ARHGAP6: variants seen among roughly 807,000 people sequenced by gnomAD.
ARHGAP6 encodes the protein rho GTPase-activating protein 6.
A neutral mutation model predicts 55.7 loss-of-function variants in ARHGAP6; 16 were observed. The observed-to-expected ratio is 0.29, with a 90% CI of 0.19 to 0.44. The LOEUF (loss-of-function observed/expected upper bound fraction) is 0.44. ARHGAP6 is among the 20% of genes least tolerant of loss of function. The pLI is 1.00. For synonymous variants in ARHGAP6, 382 were observed against 360.9 expected, an observed-to-expected ratio of 1.06 and a Z score of -0.66; for missense variants, 698 against 808.9, an observed-to-expected ratio of 0.86 and a Z score of 1.66.
At chrX:11,409,627 C>T (rs1363340189) in intron 1 of ARHGAP6, among the ~76,000 whole-genome samples, 4 of 112,532 alleles carry the variant, frequency 3.6e-5, no homozygotes, top group Middle Eastern at 9.2e-3. Context: ...GGGCAGACTG[C>T]AGTGGACTAT....
intron 1 of ARHGAP6, among the ~76,000 whole-genome samples, chrX:11,590,391 A>G (rs943551750): frequency 9.0e-6 from 1 of 111,371 alleles, no homozygotes; most frequent in Non-Finnish European, 1.9e-5. Flanking sequence ...CAAAAATATA[A>G]CCATGTATTT....
chrX:11,384,201 C>G (rs998860092), intron 1 of ARHGAP6, among the ~76,000 whole-genome samples: 1 of 111,548 alleles, frequency 9.0e-6, no homozygotes, highest in African/African-American at 3.3e-5. Flanking sequence ...CCCGGGTAGC[C>G]AAGATTTTGG....
chrX:11,256,011 A>AG (rs2047489507), intron 1 of ARHGAP6, among the ~76,000 whole-genome samples: 1 of 112,447 alleles, frequency 8.9e-6, no homozygotes, highest in African/African-American at 3.2e-5. Context: ...AAGTTCTATC[A>AG]GGGAAGGAGA....
chrX:11,255,437 ATAG>A (rs1426562123), intron 1 of ARHGAP6, among the ~76,000 whole-genome samples: 3 of 110,302 alleles, frequency 2.7e-5, no homozygotes, highest in Non-Finnish European at 5.7e-5. Flanking sequence ...ATATATTATA[ATAG>A]TAAAGTTTAT....
At chrX:11,195,214 T>C (rs1051139776) in intron 3 of ARHGAP6, among the ~76,000 whole-genome samples, 4 of 110,341 alleles carry the variant, frequency 3.6e-5, no homozygotes, top group African/African-American at 1.3e-4. Context: ...TAGCTGAGCA[T>C]GGTGGTGCGT....
chrX:11,255,823 G>A (rs2047487346), intron 1 of ARHGAP6, among the ~76,000 whole-genome samples: 1 of 111,718 alleles, frequency 9.0e-6, no homozygotes, highest in South Asian at 3.8e-4. Context: ...GGCCACTGAG[G>A]GTAAATGGCT....
At chrX:11,493,835 CTTTT>C (rs35315280) in intron 1 of ARHGAP6, among the ~76,000 whole-genome samples, 1 of 88,404 alleles carries the variant, frequency 1.1e-5, no homozygotes, top group Non-Finnish European at 2.2e-5. Flanking sequence ...AACAGAATGC[CTTTT>C]TTTTTTTTTT....
chrX:11,279,064 G>A (rs1638764575), intron 1 of ARHGAP6, among the ~76,000 whole-genome samples: 1 of 111,328 alleles, frequency 9.0e-6, no homozygotes, highest in African/African-American at 3.3e-5. Flanking sequence ...TGCTGTATCT[G>A]CATCACAGAT....
chrX:11,578,035 A>C (rs2051622521), intron 1 of ARHGAP6, among the ~76,000 whole-genome samples: 1 of 111,606 alleles, frequency 9.0e-6, no homozygotes, highest in African/African-American at 3.3e-5. Flanking sequence ...GAAAAAAAAG[A>C]AGGAAGAAAA....
At chrX:11,281,225 T>G (rs1023423734) in intron 1 of ARHGAP6, among the ~76,000 whole-genome samples, 11 of 110,682 alleles carry the variant, frequency 9.9e-5, no homozygotes, top group Admixed American at 5.8e-4. Context: ...AAAACCAATA[T>G]ATGCTACAAA....
At chrX:11,499,147 C>G (rs939386011) in intron 1 of ARHGAP6, among the ~76,000 whole-genome samples, 3 of 112,120 alleles carry the variant, frequency 2.7e-5, no homozygotes, top group Non-Finnish European at 5.6e-5. Context: ...TCTAAGAATG[C>G]CAAAACAAGT....
At chrX:11,420,600 A>AT (rs1349741050) in intron 1 of ARHGAP6, among the ~76,000 whole-genome samples, 1 of 111,317 alleles carries the variant, frequency 9.0e-6, no homozygotes, top group Non-Finnish European at 1.9e-5. Context: ...TGCTCAGGAG[A>AT]TTTTGAACCC....
intron 1 of ARHGAP6, among the ~76,000 whole-genome samples, chrX:11,517,826 G>C (rs961103506): frequency 3.6e-5 from 4 of 110,491 alleles, no homozygotes; most frequent in African/African-American, 1.3e-4. Flanking sequence ...TCAGGTGGTG[G>C]GGTTGGGGGA....
Position 11,625,129 on chromosome X carries a change from A to C in ARHGAP6, c.588+39112T>G, listed in dbSNP as rs1031084990. Among the ~76,000 whole-genome samples, 4 of 111,834 alleles carry C rather than the reference A, an allele frequency of 3.6e-5. No homozygotes were observed. In the South Asian group the frequency reaches 1.5e-3, roughly 42 times the overall value. On this transcript the variant is annotated intron_variant, in intron 1 of 12. Transcript: ENST00000337414. ...CAAAAACTAAAAATAGAACTGTAACACCATATGATCCAGCAATTCTATTGC... is the reference window on the plus strand; with the variant it reads ...CAAAAACTAAAAATAGAACTGTAACCCCATATGATCCAGCAATTCTATTGC...
intron 1 of ARHGAP6, among the ~76,000 whole-genome samples, chrX:11,390,634 C>T (rs1349919200): frequency 9.0e-6 from 1 of 111,570 alleles, no homozygotes; most frequent in Non-Finnish European, 1.9e-5. Context: ...ACAAACAACC[C>T]CATCAAAAAG....
At chrX:11,622,496 A>G (rs1407339873) in intron 1 of ARHGAP6, among the ~76,000 whole-genome samples, 2 of 111,925 alleles carry the variant, frequency 1.8e-5, no homozygotes, top group Non-Finnish European at 3.8e-5. Flanking sequence ...GTTCAGAGAA[A>G]TAGTTACCAA....
intron 1 of ARHGAP6, among the ~76,000 whole-genome samples, chrX:11,634,765 T>TA (rs1430790763): frequency 8.9e-6 from 1 of 112,274 alleles, no homozygotes; most frequent in African/African-American, 3.2e-5. Context: ...ATTAGTTACC[T>TA]ATTGCTATGT....
chrX:11,528,993 T>C (rs1377685888), intron 1 of ARHGAP6, among the ~76,000 whole-genome samples: 2 of 112,038 alleles, frequency 1.8e-5, no homozygotes, highest in African/African-American at 6.5e-5. Context: ...AGACTTTCTA[T>C]CCCTGAAAGA....
At chrX:11,228,127 A>G (rs908253350) in intron 2 of ARHGAP6, among the ~76,000 whole-genome samples, 18 of 111,691 alleles carry the variant, frequency 1.6e-4, no homozygotes, top group Non-Finnish European at 2.8e-4. Context: ...TATCCCTTCA[A>G]TGAAAACCAC....
Sources: gnomAD v4.1 joint callset for allele counts (sites outside exome capture counted in the v4.1 genomes callset) on GRCh38, gnomAD v4.1.1 for gene constraint, MANE v1.5 for transcripts, NCBI Gene and HGNC (gene_info 2026-07-23, HGNC 2026-07-21) for gene names.